Variants in SRGAP1 observed in about 807,000 individuals in gnomAD.
SRGAP1 encodes the protein SLIT-ROBO Rho GTPase activating protein 1, also known as SLIT-ROBO Rho GTPase-activating protein 1.
SRGAP1 carries 43 observed loss-of-function variants against 121.9 expected under a neutral mutation model. The observed-to-expected ratio is 0.35, with a 90% CI of 0.28 to 0.46. The LOEUF is 0.46. Ranked by LOEUF, SRGAP1 falls within the 20% of genes least tolerant of loss-of-function variation. SRGAP1 has a pLI of 1.00. For synonymous variants in SRGAP1, 447 were observed against 485.4 expected (o/e 0.92, Z 1.04); for missense variants, 1,102 against 1,350.9 (o/e 0.82, Z 2.89).
Position 64,142,603 on chromosome 12 carries a change from A to G in SRGAP1, c.3189A>G (p.Pro1063=), listed in dbSNP as rs1316867892. Residue 1063 remains proline, a synonymous_variant, in exon 22 of 22, where the codon CCA becomes CCG. Coordinates refer to ENST00000355086, the MANE Select transcript of SRGAP1 (RefSeq NM_020762.4). ...PALRPKPAVL[P]KTNPTIGPAP... ...TTAGGCCAAAACCTGCTGTTCTTCC[A>G]AAAACAAATCCTACCATAGGACCTG... 1 of 1,614,110 alleles carries G rather than the reference A, an allele frequency of 6.2e-7. No homozygotes were observed. Among genetic ancestry groups the G allele is most frequent in the African/African-American group, 1.3e-5 (1 of 74,942 alleles).
At chr12:63,910,096 G>A (rs1176645794) in intron 1 of SRGAP1, among the ~76,000 whole-genome samples, 2 of 152,212 alleles carry the variant, frequency 1.3e-5, no homozygotes, top group East Asian at 3.9e-4. Context: ...GTAAATTTCT[G>A]TAGGAAAGCA....
At chr12:63,947,223 A>C (rs2032079402) in intron 1 of SRGAP1, among the ~76,000 whole-genome samples, 1 of 152,186 alleles carries the variant, frequency 6.6e-6, no homozygotes, top group Non-Finnish European at 1.5e-5. Flanking sequence ...CTGTTTTCCG[A>C]AGTGATGGTA....
chr12:63,931,426 T>C (rs2031471359), intron 1 of SRGAP1, among the ~76,000 whole-genome samples: 1 of 152,232 alleles, frequency 6.6e-6, no homozygotes, highest in African/African-American at 2.4e-5. Context: ...TGATGACACT[T>C]CTGTTTGAAT....
chr12:64,028,104 A>G (rs2034693781), intron 4 of SRGAP1, among the ~76,000 whole-genome samples: 1 of 152,212 alleles, frequency 6.6e-6, no homozygotes. Flanking sequence ...TTCATTATGC[A>G]TGTGCTTTCC....
intron 15 of SRGAP1, among the ~76,000 whole-genome samples, chr12:64,104,160 T>A (rs1343357923): frequency 6.6e-6 from 1 of 152,212 alleles, no homozygotes; most frequent in Non-Finnish European, 1.5e-5. Flanking sequence ...ATTTGAACTT[T>A]TTGCCATTTG....
At chr12:64,086,692 T>G (rs981490707) in intron 10 of SRGAP1, among the ~76,000 whole-genome samples, 3 of 144,540 alleles carry the variant, frequency 2.1e-5, no homozygotes, top group African/African-American at 7.7e-5. Context: ...CTTACAGTTA[T>G]GATCAAGCAG....
chr12:64,029,596 A>G (rs770255578), intron 4 of SRGAP1, among the ~76,000 whole-genome samples: 1 of 152,176 alleles, frequency 6.6e-6, no homozygotes, highest in Non-Finnish European at 1.5e-5. Context: ...GCGTTCCAAA[A>G]AGAGGAGAGT....
At position 64,042,895 on chromosome 12, in the gene SRGAP1, C is replaced by G; in HGVS notation, c.595C>G (p.Pro199Ala). The change falls in exon 5 of 22, where the codon CCA becomes GCA. Residue 199 changes from proline (P) to alanine (A), a missense_variant. Pro to Ala is a conservative substitution (Grantham distance 27). This residue lies in a region of SRGAP1 where 747 missense variants were observed against 929.4 expected (regional missense o/e 0.80). Coordinates refer to ENST00000355086, the MANE Select transcript of SRGAP1 (RefSeq NM_020762.4). ...AAAGCAAATTGGGAGATCTGGTGAT[C>G]CAGTCTTCCATATTCGACTAGAGGA... Reference protein sequence around the residue: ...EEKQIGRSGDPVFHIRLEERH... With the variant: ...EEKQIGRSGDAVFHIRLEERH... The G allele has an allele frequency of 6.2e-7, 1 of 1,613,704 alleles. No individual in the cohort carries two copies. The highest frequency in any genetic ancestry group is 8.5e-7 in the Non-Finnish European group (1 of 1,179,764).
chr12:64,121,453 C>T (rs530714628), intron 18 of SRGAP1, among the ~76,000 whole-genome samples: 1 of 151,906 alleles, frequency 6.6e-6, no homozygotes, highest in South Asian at 2.1e-4. Context: ...CAGGGCCTTC[C>T]TGTGTTGCCC....
At position 64,087,061 on chromosome 12, in the gene SRGAP1, T is replaced by A. The variant is rs76766043; in HGVS notation, c.1436+35T>A. 2.6e-6 allele frequency: 4 copies of A among 1,509,670 alleles called. No individual in the cohort carries two copies. The South Asian group carries it at 4.8e-5, about 18-fold the overall frequency. The allele number at this position is 1,509,670 out of a possible 1,614,324, so 93.5% of individuals were successfully genotyped here. ...TATTTTATCATAACTTATAGCGTATTTTACTTTCTCTTTAACAAGAAGCAA... is the reference window on the plus strand; with the variant it reads ...TATTTTATCATAACTTATAGCGTATATTACTTTCTCTTTAACAAGAAGCAA... On this transcript the variant is annotated intron_variant, in intron 11 of 21. Transcript: ENST00000355086.
intron 1 of SRGAP1, among the ~76,000 whole-genome samples, chr12:63,908,771 A>AT (rs957514243): frequency 6.6e-6 from 1 of 151,846 alleles, no homozygotes; most frequent in Admixed American, 6.6e-5. Context: ...TGCTGCCTTA[A>AT]TTTTTTTTCT....
chr12:63,934,657 C>G (rs886072655), intron 1 of SRGAP1, among the ~76,000 whole-genome samples: 9 of 152,250 alleles, frequency 5.9e-5, no homozygotes, highest in Admixed American at 2.6e-4. Context: ...CACCACCCCC[C>G]CCAACAATCT....
At chr12:64,104,912 T>A (rs187927490) in intron 15 of SRGAP1, among the ~76,000 whole-genome samples, 6,120 of 151,478 alleles carry the variant, frequency 0.04, 153 homozygotes, top group Middle Eastern at 0.082. Context: ...TATATATATA[T>A]AAAAAATATA....
chr12:63,902,136 G>A (rs1027749785), intron 1 of SRGAP1, among the ~76,000 whole-genome samples: 3 of 152,198 alleles, frequency 2.0e-5, no homozygotes, highest in African/African-American at 7.2e-5. Flanking sequence ...GCAACATGGT[G>A]AAACCCCATC....
intron 15 of SRGAP1, among the ~76,000 whole-genome samples, chr12:64,102,130 A>G (rs368300629): frequency 2.0e-5 from 3 of 152,326 alleles, no homozygotes; most frequent in African/African-American, 4.8e-5. Context: ...AAAACCAACA[A>G]TAATTCCTTA....
intron 18 of SRGAP1, 121 bp downstream of exon 18, chr12:64,116,014 G>C: frequency 1.1e-6 from 1 of 875,272 alleles, no homozygotes; most frequent in Non-Finnish European, 1.7e-6. Context: ...CAGCACGTTG[G>C]GAAGCCAAGG....
intron 3 of SRGAP1, among the ~76,000 whole-genome samples, chr12:64,007,437 G>C (rs1235565575): frequency 6.6e-6 from 1 of 152,100 alleles, no homozygotes; most frequent in South Asian, 2.1e-4. Context: ...CGGACAGGGG[G>C]CAGAGCTCAG....
chr12:64,025,013 G>C (rs1179414533), intron 4 of SRGAP1, among the ~76,000 whole-genome samples: 1 of 152,164 alleles, frequency 6.6e-6, no homozygotes, highest in African/African-American at 2.4e-5. Context: ...ATGGAGGATG[G>C]AGGCTGTCCT....
rs1555170207 is a variant in SRGAP1, at chr12:64,056,566, AAGAG to A, written c.802-6347_802-6344del. On this transcript the variant is annotated intron_variant, in intron 6 of 21. Transcript: ENST00000355086. ...AGACTCCACAAAAAAAAAAAAAAAA[AAGAG>A]AGAAAGAAAGAAAAACATAAATCAG... is the stretch of plus-strand genomic sequence containing the variant. Among the ~76,000 whole-genome samples, 671 of 149,918 alleles carry A rather than the reference AAGAG, an allele frequency of 4.5e-3. 2 individuals are homozygous for A. Among genetic ancestry groups the A allele is most frequent in the Non-Finnish European group, 5.0e-3 (335 of 67,314 alleles).
Sources: gnomAD v4.1 joint callset for allele counts (sites outside exome capture counted in the v4.1 genomes callset) on GRCh38, gnomAD v4.1.1 for gene constraint, gnomAD v4.1.1 regional missense constraint, MANE v1.5 for transcripts, NCBI Gene and HGNC (gene_info 2026-07-23, HGNC 2026-07-21) for gene names.